Variants in SPAG16 observed in about 807,000 individuals in gnomAD.
The protein encoded by SPAG16 is sperm associated antigen 16.
A neutral mutation model predicts 80.4 loss-of-function variants in SPAG16; 86 were observed. That is an observed-to-expected ratio of 1.07 (90% CI 0.90 to 1.28). SPAG16 has a LOEUF of 1.28. Ranked by LOEUF, SPAG16 falls within the 50% of genes most tolerant of loss-of-function variation. The probability of loss-of-function intolerance (pLI) is 0.00; values close to 1 mark genes in which losing one functional copy is unlikely to be tolerated. For missense variants in SPAG16, 870 were observed against 765.3 expected (o/e 1.14, Z -1.61); for synonymous variants, 294 against 265.9 (o/e 1.11, Z -1.03).
rs532635686 is a variant in SPAG16, at chr2:213,576,354, C to T, written c.1070+86264C>T. ...TGTAGTGTAGTTTGAAGTCAGGTAG[C>T]GTGATGCCTCCAGCTTTGTTCTTTT... On this transcript the variant is annotated intron_variant, in intron 10 of 15. Transcript: ENST00000331683. 3.9e-5 allele frequency among the ~76,000 whole-genome samples: 6 copies of T among 152,074 alleles called. No homozygotes were observed. In the South Asian group the frequency reaches 8.3e-4, roughly 21 times the overall value.
At chr2:213,494,903 A>G (rs771260729) in intron 10 of SPAG16, among the ~76,000 whole-genome samples, 33 of 152,228 alleles carry the variant, frequency 2.2e-4, no homozygotes, top group Admixed American at 9.2e-4. Context: ...TACCTTCTCC[A>G]CAGACTCCCA....
intron 10 of SPAG16, among the ~76,000 whole-genome samples, chr2:213,825,409 GT>G (rs1240331755): frequency 6.6e-6 from 1 of 151,882 alleles, no homozygotes; most frequent in Non-Finnish European, 1.5e-5. Context: ...TCTATTCCCA[GT>G]TTTTTTAAGA....
At chr2:214,323,283 T>A (rs1233278998) in intron 15 of SPAG16, among the ~76,000 whole-genome samples, 1 of 151,812 alleles carries the variant, frequency 6.6e-6, no homozygotes, top group Non-Finnish European at 1.5e-5. Context: ...CATGCACTGG[T>A]ATTACAAAAC....
intron 5 of SPAG16, among the ~76,000 whole-genome samples, chr2:213,320,904 T>C (rs1376031339): frequency 6.6e-6 from 1 of 152,032 alleles, no homozygotes; most frequent in Non-Finnish European, 1.5e-5. Flanking sequence ...CCGAACTACA[T>C]CTGTCATGCT....
chr2:213,676,501 A>G (rs1474793907), intron 10 of SPAG16, among the ~76,000 whole-genome samples: 1 of 151,700 alleles, frequency 6.6e-6, no homozygotes, highest in Non-Finnish European at 1.5e-5. Context: ...CCCATTCAGT[A>G]TGATATTGGC....
intron 15 of SPAG16, among the ~76,000 whole-genome samples, chr2:214,378,068 C>T (rs1700237493): frequency 6.6e-6 from 1 of 151,936 alleles, no homozygotes; most frequent in Non-Finnish European, 1.5e-5. Flanking sequence ...GACACAGGGC[C>T]GTAAACCAAG....
At chr2:213,967,526 ACT>A (rs2044767841) in intron 12 of SPAG16, among the ~76,000 whole-genome samples, 1 of 152,100 alleles carries the variant, frequency 6.6e-6, no homozygotes. Flanking sequence ...AAAGGAATAG[ACT>A]CTCTTTATTT....
intron 12 of SPAG16, among the ~76,000 whole-genome samples, chr2:213,961,552 T>G (rs2044421087): frequency 6.6e-6 from 1 of 151,892 alleles, no homozygotes; most frequent in Non-Finnish European, 1.5e-5. Context: ...TGCCTGCCTT[T>G]TATCAGATTA....
At chr2:213,301,266 G>A (rs2062731491) in intron 3 of SPAG16, among the ~76,000 whole-genome samples, 1 of 152,072 alleles carries the variant, frequency 6.6e-6, no homozygotes, top group East Asian at 1.9e-4. Flanking sequence ...CAGGCTCCTT[G>A]TACTCAAAGC....
At chr2:213,769,542 G>A (rs918737175) in intron 10 of SPAG16, among the ~76,000 whole-genome samples, 1 of 152,150 alleles carries the variant, frequency 6.6e-6, no homozygotes, top group East Asian at 1.9e-4. Flanking sequence ...AGAAACAAGG[G>A]CAGAGGAATC....
chr2:213,292,682 AAAC>A (rs1175245228), intron 1 of SPAG16, among the ~76,000 whole-genome samples: 3 of 134,356 alleles, frequency 2.2e-5, no homozygotes, highest in African/African-American at 8.8e-5. Context: ...AAAACAAAAA[AAAC>A]AAAAAAAAAC....
intron 12 of SPAG16, among the ~76,000 whole-genome samples, chr2:213,956,385 T>G (rs1251572925): frequency 1.3e-5 from 2 of 151,964 alleles, no homozygotes; most frequent in Non-Finnish European, 2.9e-5. Context: ...GTTCTTATAG[T>G]TCCTTAAGTT....
chr2:214,326,944 CAAAAAAAAAA>C (rs5838428), intron 15 of SPAG16, among the ~76,000 whole-genome samples: 1 of 64,464 alleles, frequency 1.6e-5, no homozygotes, highest in Non-Finnish European at 2.6e-5. Flanking sequence ...GACTAAGTCT[CAAAAAAAAAA>C]AAAAAAAAAA....
At chr2:213,790,134 G>A (rs1399481841) in intron 10 of SPAG16, among the ~76,000 whole-genome samples, 5 of 151,594 alleles carry the variant, frequency 3.3e-5, no homozygotes, top group Non-Finnish European at 7.4e-5. Flanking sequence ...TTTGTTCTAT[G>A]GCCAAAATTA....
intron 9 of SPAG16, among the ~76,000 whole-genome samples, chr2:213,467,162 C>G (rs554309078): frequency 1.4e-5 from 2 of 147,858 alleles, no homozygotes; most frequent in Non-Finnish European, 2.9e-5. Flanking sequence ...AGGAGGCCTG[C>G]CTCTTCAAGT....
At chr2:213,846,069 T>C (rs546889143) in intron 10 of SPAG16, among the ~76,000 whole-genome samples, 9 of 152,348 alleles carry the variant, frequency 5.9e-5, no homozygotes, top group African/African-American at 1.9e-4. Context: ...TAATTTGAGA[T>C]AAATTCATGT....
chr2:213,286,200 A>G lies in SPAG16; in HGVS notation c.136+1581A>G, dbSNP rs1304140897. On this transcript the variant is annotated intron_variant, in intron 1 of 15. Transcript: ENST00000331683. ...CACTTATTTGAACTTTAACACATAT[A>G]AGCAACTGTAACTTTTTAGGATTTT... Among the ~76,000 whole-genome samples, 3 of 152,152 alleles carry G rather than the reference A, an allele frequency of 2.0e-5. No individual in the cohort carries two copies. In the East Asian group the frequency reaches 5.8e-4, roughly 29 times the overall value.
chr2:213,770,749 A>G (rs2125550506), intron 10 of SPAG16, among the ~76,000 whole-genome samples: 1 of 152,216 alleles, frequency 6.6e-6, no homozygotes, highest in Middle Eastern at 3.4e-3. Flanking sequence ...TTGCTGAGGG[A>G]TAATACCTTC....
At chr2:214,293,116 G>GCAGGC (rs1241224336) in intron 15 of SPAG16, among the ~76,000 whole-genome samples, 1 of 152,198 alleles carries the variant, frequency 6.6e-6, no homozygotes, top group African/African-American at 2.4e-5. Context: ...GCACATTCAG[G>GCAGGC]CAGGCCAATT....
Sources: gnomAD v4.1 joint callset for allele counts (sites outside exome capture counted in the v4.1 genomes callset) on GRCh38, gnomAD v4.1.1 for gene constraint, MANE v1.5 for transcripts, NCBI Gene and HGNC (gene_info 2026-07-23, HGNC 2026-07-21) for gene names.